TPPP2: variants seen among roughly 807,000 people sequenced by gnomAD.
TPPP2 encodes tubulin polymerization-promoting protein family member 2.
In TPPP2, 8 loss-of-function variants were observed where a neutral mutation model predicts 13.0. The observed-to-expected ratio is 0.62, with a 90% CI of 0.36 to 1.11. The LOEUF (loss-of-function observed/expected upper bound fraction) is 1.11. Among genes scored for constraint, TPPP2 ranks in the 50% most tolerant of loss-of-function variants. The pLI is 0.02. For missense variants in TPPP2, 213 were observed against 216.9 expected, an observed-to-expected ratio of 0.98 and a Z score of 0.11; for synonymous variants, 81 against 81.8, an observed-to-expected ratio of 0.99 and a Z score of 0.05.
At chr14:21,034,157 G>C, downstream of TPPP2, 1 of 1,614,148 alleles carries the variant, frequency 6.2e-7, no homozygotes. Context: ...AACCCTTTGG[G>C]TAGTTAACCC....
Position 21,030,500 on chromosome 14 carries a change from C to T in TPPP2, c.-69-13C>T. On this transcript the variant is annotated splice_polypyrimidine_tract_variant and intron_variant, in intron 1 of 3. Coordinates refer to ENST00000321760, the MANE Select transcript of TPPP2 (RefSeq NM_173846.5). ...CTGATTTTACCATAACACTCATCCTCATTACTCCACAGTCCTCCCTCCCCC... is the reference window on the plus strand; with the variant it reads ...CTGATTTTACCATAACACTCATCCTTATTACTCCACAGTCCTCCCTCCCCC... 1.4e-6 allele frequency: 2 copies of T among 1,418,874 alleles called. No individual in the cohort carries two copies. Among genetic ancestry groups the T allele is most frequent in the Non-Finnish European group, 1.9e-6 (2 of 1,036,926 alleles). The allele number at this position is 1,418,874 out of a possible 1,614,324, so 87.9% of individuals were successfully genotyped here. A position where few individuals can be genotyped will look rare whatever the true frequency, so the allele number is the denominator to read the frequency against.
chr14:21,032,938 C>T (rs983782592), downstream of TPPP2: 3 of 455,916 alleles, frequency 6.6e-6, no homozygotes, highest in Non-Finnish European at 1.3e-5. Flanking sequence ...ATCTTACATA[C>T]TCAGATGTGG....
Position 21,030,575 on chromosome 14 carries a change from G to C in TPPP2, c.-7G>C. ...CCACGACTGCCCTCCCCGACCTCTA[G>C]CTGACCATGGCATCAGAGGCAGAAA... is the stretch of plus-strand genomic sequence containing the variant. On this transcript the variant is annotated 5_prime_UTR_variant, in exon 2 of 4. Transcript: ENST00000321760. The C allele has an allele frequency of 6.2e-7, 1 of 1,612,754 alleles. No homozygotes were observed. The highest frequency in any genetic ancestry group is 2.2e-5 in the East Asian group (1 of 44,866).
chr14:21,028,317 T>C (rs1470596172), upstream of TPPP2: 4 of 152,222 alleles, frequency 2.6e-5, 1 homozygote, highest in Middle Eastern at 6.8e-3. Flanking sequence ...GCTGACACAA[T>C]CCTAGTTCAC....
upstream of TPPP2, among the ~76,000 whole-genome samples, chr14:21,029,571 T>A (rs1214434587): frequency 6.6e-6 from 1 of 152,176 alleles, no homozygotes; most frequent in East Asian, 1.9e-4. Flanking sequence ...CATTTCAGCC[T>A]GGGCAACAGA....
At chr14:21,030,447 G>C in intron 1 of TPPP2, 66 bp from the exon 2 acceptor site, 1 of 884,654 alleles carries the variant, frequency 1.1e-6, no homozygotes, top group Non-Finnish European at 1.7e-6. Context: ...AGAGCAACAG[G>C]GAAGAGGGGA....
downstream of TPPP2, chr14:21,035,751 A>G (rs187523013): frequency 1.8e-5 from 8 of 456,138 alleles, no homozygotes; most frequent in African/African-American, 1.4e-4. Context: ...AATGGAATCC[A>G]TCCTCCCCAT....
At chr14:21,024,358 C>T in intron 1 of TPPP2, 1 of 957,714 alleles carries the variant, frequency 1.0e-6, no homozygotes, top group Non-Finnish European at 1.2e-6. Flanking sequence ...AGAGGGTGGC[C>T]CTGTCAGAAC....
chr14:21,026,069 C>T (rs796832986), upstream of TPPP2, among the ~76,000 whole-genome samples: 5 of 151,862 alleles, frequency 3.3e-5, no homozygotes, highest in South Asian at 8.3e-4. Context: ...TCGCAATGCC[C>T]GGGGGATGGT....
downstream of TPPP2, chr14:21,033,070 T>G (rs61735945): frequency 0.01 from 4,619 of 446,614 alleles, 45 homozygotes; most frequent in Non-Finnish European, 0.015. Context: ...CAGGAACCTC[T>G]GGGGAATGGG....
intron 1 of TPPP2, 69 bp from the exon 2 acceptor site, chr14:21,030,444 C>G (rs1161047791): frequency 1.2e-6 from 1 of 863,910 alleles, no homozygotes; most frequent in African/African-American, 1.7e-5. Flanking sequence ...GAGAGAGCAA[C>G]AGGGAAGAGG....
upstream of TPPP2, among the ~76,000 whole-genome samples, chr14:21,028,087 C>T (rs554122921): frequency 6.6e-6 from 1 of 152,246 alleles, no homozygotes; most frequent in Admixed American, 6.5e-5. Flanking sequence ...TAGTAAATGA[C>T]ATATCTAGGA....
chr14:21,025,830 C>G (rs1883534887), upstream of TPPP2: 2 of 616,748 alleles, frequency 3.2e-6, no homozygotes, highest in South Asian at 7.2e-5. The surrounding 1 kb of genome is among the most constrained non-coding windows in gnomAD (Gnocchi z 5.1). Flanking sequence ...GGATGGCCAA[C>G]AGGGACTCTG....
Position 21,030,765 on chromosome 14 carries a change from A to G in TPPP2, c.173+11A>G. The G allele has an allele frequency of 6.2e-7, 1 of 1,612,360 alleles. No homozygotes were observed. The highest frequency in any genetic ancestry group is 1.3e-5 in the African/African-American group (1 of 75,014). On this transcript the variant is annotated intron_variant, in intron 2 of 3. Transcript: ENST00000321760. ...GTTCAGCAAAGTCAAGTGAGGAGCC[A>G]AAAATATGGAGGTGGGGGTGAGAAG...
chr14:21,030,440 G>A (rs1883994588), intron 1 of TPPP2, 73 bp from the exon 2 acceptor site: 4 of 826,106 alleles, frequency 4.8e-6, no homozygotes, highest in African/African-American at 3.4e-5. Flanking sequence ...AAAGGAGAGA[G>A]CAACAGGGAA....
At chr14:21,025,771 G>C (rs1392105166), upstream of TPPP2, 2 of 888,660 alleles carry the variant, frequency 2.3e-6, no homozygotes, top group African/African-American at 1.8e-5. The surrounding 1 kb of genome is among the most constrained non-coding windows in gnomAD (Gnocchi z 5.1). Flanking sequence ...GGAATGCGGG[G>C]GGCCGCTATA....
chr14:21,031,572 T>C (rs895094406), intron 3 of TPPP2, among the ~76,000 whole-genome samples: 7 of 152,112 alleles, frequency 4.6e-5, no homozygotes, highest in Non-Finnish European at 1.0e-4. Context: ...CTTTCTACAG[T>C]GGATATTGAG....
chr14:21,034,395 G>T, downstream of TPPP2: 1 of 798,242 alleles, frequency 1.3e-6, no homozygotes, highest in Non-Finnish European at 2.0e-6. Context: ...GTACTTTAGA[G>T]ATCATCTCAC....
rs561475383 is a variant in TPPP2, at chr14:21,025,055, T to C, written n.236+711T>C. 3 of 985,644 alleles carry C rather than the reference T, an allele frequency of 3.0e-6. No homozygotes were observed. Among genetic ancestry groups the C allele is most frequent in the East Asian group, 1.1e-4 (1 of 8,770 alleles). The allele number at this position is 985,644 out of a possible 1,614,324, so 61.1% of individuals were successfully genotyped here. ...TGCTGCCGCCGCGGCCGCTTCCACC[T>C]TCACTTGCCTTTGACTCGGGCCCGC... On this transcript the variant is annotated intron_variant and non_coding_transcript_variant, in intron 1 of 1. Coordinates refer to the TPPP2 transcript ENST00000533755. This position sits in a 1 kb window ranked among gnomAD's most constrained non-coding sequence, Gnocchi z 5.1.
Sources: allele counts gnomAD v4.1 joint callset (sites outside exome capture counted in the v4.1 genomes callset), GRCh38; gene constraint gnomAD v4.1.1; non-coding constraint Gnocchi (gnomAD v3.1); transcripts MANE v1.5; gene names NCBI Gene and HGNC (gene_info 2026-07-23, HGNC 2026-07-21).